UBE2E2: variants seen among roughly 807,000 people sequenced by gnomAD.
The protein encoded by UBE2E2 is ubiquitin-conjugating enzyme E2 E2.
Under a neutral mutation model 24.7 loss-of-function variants are expected in UBE2E2, and 6 were observed. The ratio of observed to expected loss-of-function variants is 0.24; its 90% CI spans 0.13 to 0.48. The LOEUF (loss-of-function observed/expected upper bound fraction) is 0.48. UBE2E2 is among the 20% of genes least tolerant of loss of function. The pLI is 0.99. For missense variants in UBE2E2, 169 were observed against 245.0 expected, an observed-to-expected ratio of 0.69 and a Z score of 2.07; for synonymous variants, 104 against 83.6, an observed-to-expected ratio of 1.24 and a Z score of -1.33.
At chr3:23,352,967 T>C (rs1408965364) in intron 3 of UBE2E2, among the ~76,000 whole-genome samples, 1 of 152,154 alleles carries the variant, frequency 6.6e-6, no homozygotes, top group Non-Finnish European at 1.5e-5. Flanking sequence ...TTGATGAACA[T>C]TGATGCAAAA....
At chr3:23,293,778 T>C (rs1698833380) in intron 3 of UBE2E2, among the ~76,000 whole-genome samples, 1 of 152,176 alleles carries the variant, frequency 6.6e-6, no homozygotes, top group Non-Finnish European at 1.5e-5. Context: ...AGGTAGGAGA[T>C]ATACTTTCAT....
chr3:23,403,045 G>A lies in UBE2E2; in HGVS notation c.228-96563G>A, dbSNP rs537547822. Among the ~76,000 whole-genome samples, 32 of 152,296 alleles carry A rather than the reference G, an allele frequency of 2.1e-4. 1 individual carries two copies. The South Asian group carries it at 6.6e-3, about 32-fold the overall frequency. ...GCTTTTAGAAACTGAGGGACAGGCT[G>A]ATCTGCCTAGAATATATTGGATCTT... On this transcript the variant is annotated intron_variant, in intron 3 of 5. Coordinates refer to ENST00000396703, the MANE Select transcript of UBE2E2 (RefSeq NM_152653.4).
chr3:23,211,298 A>G (rs1050116359), intron 2 of UBE2E2, among the ~76,000 whole-genome samples: 4 of 152,156 alleles, frequency 2.6e-5, no homozygotes, highest in African/African-American at 9.7e-5. Context: ...GCCTTTCCCA[A>G]ATAGTGTCAT....
At chr3:23,560,216 C>T (rs1157027522) in intron 5 of UBE2E2, among the ~76,000 whole-genome samples, 3 of 129,278 alleles carry the variant, frequency 2.3e-5, no homozygotes, top group Non-Finnish European at 4.9e-5. Context: ...CCCCCTCCCC[C>T]TCCCCCCACC....
At chr3:23,492,824 T>C (rs940215880) in intron 3 of UBE2E2, among the ~76,000 whole-genome samples, 4 of 152,160 alleles carry the variant, frequency 2.6e-5, no homozygotes, top group Admixed American at 1.3e-4. Flanking sequence ...TGTAGAAATA[T>C]AGTGTGAGCT....
At chr3:23,375,080 T>TA (rs879618632) in intron 3 of UBE2E2, among the ~76,000 whole-genome samples, 112 of 149,388 alleles carry the variant, frequency 7.5e-4, no homozygotes, top group Non-Finnish European at 5.4e-4. Context: ...TCATGAGATA[T>TA]AAAAAAAAAA....
chr3:23,499,684 G>C lies in UBE2E2; in HGVS notation c.304G>C (p.Gly102Arg), dbSNP rs1429833633. The C allele has an allele frequency of 6.2e-7, 1 of 1,613,824 alleles. No homozygotes were observed. Among genetic ancestry groups the C allele is most frequent in the Admixed American group, 1.7e-5 (1 of 59,978 alleles). Residue 102 changes from glycine (G) to arginine (R), a missense_variant, in exon 4 of 6, where the codon GGG (glycine) becomes CGG (arginine). Gly to Arg is a moderately radical substitution (Grantham distance 125). Coordinates refer to ENST00000396703, the MANE Select transcript of UBE2E2 (RefSeq NM_152653.4). ...ACCCCCAGGATCTGTCTATGAAGGA[G>C]GGGTGTTCTTTCTTGACATTACCTT... The part of the protein sequence containing the change: ...LGPPGSVYEG[G>R]VFFLDITFSP...
intron 3 of UBE2E2, among the ~76,000 whole-genome samples, chr3:23,430,966 A>G (rs1698046709): frequency 6.6e-6 from 1 of 152,202 alleles, no homozygotes; most frequent in African/African-American, 2.4e-5. Context: ...CCAGTGAATC[A>G]TAACAAATAT....
intron 3 of UBE2E2, among the ~76,000 whole-genome samples, chr3:23,355,674 C>G (rs1695924113): frequency 6.6e-6 from 1 of 152,066 alleles, no homozygotes; most frequent in South Asian, 2.1e-4. Context: ...ACCTACTGTG[C>G]TGGAAAAGTT....
intron 1 of UBE2E2, among the ~76,000 whole-genome samples, chr3:23,205,350 A>G (rs1009122454): frequency 7.2e-5 from 11 of 152,198 alleles, no homozygotes; most frequent in Non-Finnish European, 1.5e-4. Flanking sequence ...TAATTTTAAA[A>G]TGCTAATTTA....
chr3:23,276,912 T>TACTTGCTAAGC, intron 3 of UBE2E2, among the ~76,000 whole-genome samples: 1 of 152,086 alleles, frequency 6.6e-6, no homozygotes, highest in Non-Finnish European at 1.5e-5. Context: ...TGTACTTGCT[T>TACTTGCTAAGC]AAGGAAGAGG....
At chr3:23,438,920 G>C (rs961086233) in intron 3 of UBE2E2, among the ~76,000 whole-genome samples, 1 of 152,182 alleles carries the variant, frequency 6.6e-6, no homozygotes, top group Admixed American at 6.5e-5. Context: ...GATAAGGTTT[G>C]TGGCTTCTTT....
At chr3:23,340,835 G>A (rs936778106) in intron 3 of UBE2E2, among the ~76,000 whole-genome samples, 2 of 152,074 alleles carry the variant, frequency 1.3e-5, no homozygotes, top group African/African-American at 4.8e-5. Flanking sequence ...TTTAAAGTCG[G>A]TATATAAACC....
chr3:23,420,785 A>T (rs1697777055), intron 3 of UBE2E2, among the ~76,000 whole-genome samples: 1 of 152,170 alleles, frequency 6.6e-6, no homozygotes, highest in Non-Finnish European at 1.5e-5. Flanking sequence ...GCCTTTACCT[A>T]ATAGTTCACT....
intron 3 of UBE2E2, among the ~76,000 whole-genome samples, chr3:23,224,156 G>GTTTTTTTTT (rs531661466): frequency 1.1e-5 from 1 of 93,712 alleles, no homozygotes; most frequent in Non-Finnish European, 2.0e-5. Flanking sequence ...TAAATTTTAG[G>GTTTTTTTTT]TTTTTTTTTT....
chr3:23,262,114 A>C (rs559639238), intron 3 of UBE2E2, among the ~76,000 whole-genome samples: 2 of 152,124 alleles, frequency 1.3e-5, no homozygotes, highest in Admixed American at 6.5e-5. Flanking sequence ...CCTTTTCTCC[A>C]CATCCTCACC....
At chr3:23,365,282 A>C (rs1402654311) in intron 3 of UBE2E2, among the ~76,000 whole-genome samples, 1 of 152,202 alleles carries the variant, frequency 6.6e-6, no homozygotes, top group African/African-American at 2.4e-5. Context: ...CAGAGCAATC[A>C]GGCAAGAGAA....
chr3:23,272,371 C>A (rs1191833045), intron 3 of UBE2E2, among the ~76,000 whole-genome samples: 1 of 151,910 alleles, frequency 6.6e-6, no homozygotes, highest in Non-Finnish European at 1.5e-5. Flanking sequence ...GCCCGGGTTC[C>A]CACCCGTGCC....
At chr3:23,261,219 TTAA>T (rs1697894096) in intron 3 of UBE2E2, among the ~76,000 whole-genome samples, 1 of 152,170 alleles carries the variant, frequency 6.6e-6, no homozygotes, top group South Asian at 2.1e-4. Flanking sequence ...TGAAAGTCTT[TTAA>T]AAAGTATAAT....
Sources: allele counts gnomAD v4.1 joint callset (sites outside exome capture counted in the v4.1 genomes callset), GRCh38; gene constraint gnomAD v4.1.1; transcripts MANE v1.5; gene names NCBI Gene and HGNC (gene_info 2026-07-23, HGNC 2026-07-21).